TRAPPC8: variants seen among roughly 807,000 people sequenced by gnomAD.
The protein encoded by TRAPPC8 is general sporulation gene 1 homolog.
TRAPPC8 carries 54 observed loss-of-function variants against 174.3 expected under a neutral mutation model. That is an observed-to-expected ratio of 0.31 (90% CI 0.25 to 0.39). TRAPPC8 has a LOEUF of 0.39. TRAPPC8 is among the 10% of genes least tolerant of loss of function. TRAPPC8 has a pLI of 1.00. For synonymous variants in TRAPPC8, 630 were observed against 579.9 expected (o/e 1.09, Z -1.24); for missense variants, 1,531 against 1,699.1 (o/e 0.90, Z 1.74).
intron 19 of TRAPPC8, among the ~76,000 whole-genome samples, chr18:31,862,024 C>T (rs2034354842): frequency 6.6e-6 from 1 of 150,850 alleles, no homozygotes; most frequent in African/African-American, 2.4e-5. Flanking sequence ...TGGTGTCTTA[C>T]ACTGATTTAT....
At chr18:31,933,020 A>AAAAAAAAAAAAAAG (rs1568153937) in intron 1 of TRAPPC8, among the ~76,000 whole-genome samples, 5 of 128,878 alleles carry the variant, frequency 3.9e-5, no homozygotes, top group African/African-American at 1.5e-4. Flanking sequence ...AAAAAAAAAA[A>AAAAAAAAAAAAAAG]GCCGGGCGCA....
In TRAPPC8 at chr18:31,854,920, C is replaced by T. The variant is rs146764860; in HGVS notation, c.3336+740G>A. ...GGTGGAGCTTGCAGTGAGCAGAGATCGCGCCACTGCACTCCAGTCTGGGCG... is the reference window on the plus strand; with the variant it reads ...GGTGGAGCTTGCAGTGAGCAGAGATTGCGCCACTGCACTCCAGTCTGGGCG... On this transcript the variant is annotated intron_variant, in intron 21 of 28. Coordinates refer to ENST00000283351, the MANE Select transcript of TRAPPC8 (RefSeq NM_014939.5). Among the ~76,000 whole-genome samples the T allele has an allele frequency of 8.9e-3, 1,213 of 136,700 alleles. 17 individuals carry two copies. Among genetic ancestry groups the T allele is most frequent in the African/African-American group, 0.031 (1,114 of 35,430 alleles). 89.7% of individuals were successfully genotyped at this position (136,700 alleles called of 152,430 possible).
chr18:31,888,446 TTC>T (rs2035816795), intron 12 of TRAPPC8, among the ~76,000 whole-genome samples: 1 of 152,186 alleles, frequency 6.6e-6, no homozygotes, highest in East Asian at 1.9e-4. Flanking sequence ...GGCAGGAGAA[TTC>T]TGTTTTATGG....
intron 2 of TRAPPC8, among the ~76,000 whole-genome samples, chr18:31,928,778 A>C (rs1396050112): frequency 6.6e-6 from 1 of 152,202 alleles, no homozygotes; most frequent in Non-Finnish European, 1.5e-5. Context: ...CTGCATCTCA[A>C]TACAAAGCAC....
rs28566525 is a variant in TRAPPC8 at position 31,892,827 on chromosome 18, C to T, written c.1597-1961G>A. On this transcript the variant is annotated intron_variant, in intron 11 of 28. Coordinates refer to ENST00000283351, the MANE Select transcript of TRAPPC8 (RefSeq NM_014939.5). Reference sequence around the variant, plus strand: ...TCGTTTTGAGCCAAAGCGTTCAAGACCAGCCTGGGCAACAAAAAGAGACCC... The same window carrying T: ...TCGTTTTGAGCCAAAGCGTTCAAGATCAGCCTGGGCAACAAAAAGAGACCC... 8.9e-4 allele frequency among the ~76,000 whole-genome samples: 135 copies of T among 152,064 alleles called. 2 individuals are homozygous for T. Among genetic ancestry groups the T allele is most frequent in the African/African-American group, 3.0e-3 (123 of 41,508 alleles).
intron 9 of TRAPPC8, among the ~76,000 whole-genome samples, chr18:31,905,171 C>T (rs373549427): frequency 6.6e-6 from 1 of 152,128 alleles, no homozygotes; most frequent in Non-Finnish European, 1.5e-5. Flanking sequence ...TACTACAACA[C>T]ATTTTTATCT....
intron 12 of TRAPPC8, among the ~76,000 whole-genome samples, chr18:31,888,995 C>A (rs2035841163): frequency 6.6e-6 from 1 of 152,090 alleles, no homozygotes; most frequent in African/African-American, 2.4e-5. Context: ...GTGTTCTATG[C>A]ACCCTAACTT....
At chr18:31,895,813 AGTTT>A (rs1001163798) in intron 11 of TRAPPC8, 5 of 152,222 alleles carry the variant, frequency 3.3e-5, no homozygotes, top group South Asian at 2.1e-4. Flanking sequence ...CTCTACAAAT[AGTTT>A]GTCTGTTATC....
At chr18:31,867,261 G>A in intron 17 of TRAPPC8, 141 bp downstream of exon 17, 1 of 714,810 alleles carries the variant, frequency 1.4e-6, no homozygotes, top group African/African-American at 1.9e-5. Flanking sequence ...TTCCTCCTGA[G>A]CAATTCCTAT....
At chr18:31,863,844 G>A (rs1453917476) in intron 19 of TRAPPC8, among the ~76,000 whole-genome samples, 1 of 151,874 alleles carries the variant, frequency 6.6e-6, no homozygotes, top group Non-Finnish European at 1.5e-5. Context: ...ATTTGAAGTG[G>A]CTCAAAGACT....
chr18:31,895,546 C>CA (rs2036148165), intron 11 of TRAPPC8, among the ~76,000 whole-genome samples: 1 of 151,932 alleles, frequency 6.6e-6, no homozygotes. Flanking sequence ...AGAAAAATGA[C>CA]AAAAAATAAC....
chr18:31,924,017 C>T (rs1279080393), intron 2 of TRAPPC8, among the ~76,000 whole-genome samples: 4 of 152,142 alleles, frequency 2.6e-5, no homozygotes, highest in Non-Finnish European at 1.5e-5. Context: ...GGCGTGGTGG[C>T]TCATGCCTAT....
Position 31,928,189 on chromosome 18 carries a change from T to A in TRAPPC8, c.352+3140A>T, listed in dbSNP as rs191762978. Among the ~76,000 whole-genome samples the A allele has an allele frequency of 9.2e-3, 1,379 of 149,998 alleles. 15 individuals are homozygous for A. The highest frequency in any genetic ancestry group is 0.015 in the Non-Finnish European group (999 of 67,488). On this transcript the variant is annotated intron_variant, in intron 2 of 28. Coordinates refer to ENST00000283351, the MANE Select transcript of TRAPPC8 (RefSeq NM_014939.5). ...AAAATAAAATAAAATAAAATAAAAT[T>A]AAAATTAAATAAAATAAAAAATACA...
At chr18:31,852,922 G>T (rs1249302992) in intron 22 of TRAPPC8, 5 of 386,582 alleles carry the variant, frequency 1.3e-5, no homozygotes, top group South Asian at 9.3e-5. Context: ...CAGATAAACA[G>T]TAAGTTTGAA....
Position 31,942,746 on chromosome 18 carries a change from A to G in TRAPPC8, c.19T>C (p.Ser7Pro). 6.4e-7 allele frequency: 1 copy of G among 1,564,114 alleles called. No individual in the cohort carries two copies. Among genetic ancestry groups the G allele is most frequent in the East Asian group, 2.5e-5 (1 of 40,554 alleles). Reference protein sequence around the residue: MAQCVQSVQELIPDSFV... With the variant: MAQCVQPVQELIPDSFV... ...GAGTCCGGGATTAGCTCCTGCACTG[A>G]TTGTACACACTGGGCCATCGCCGCA... Residue 7 changes from serine to proline, a missense_variant, in exon 1 of 29, where the codon TCA becomes CCA. Coordinates refer to ENST00000283351, the MANE Select transcript of TRAPPC8 (RefSeq NM_014939.5).
chr18:31,939,806 G>A (rs1046917385), intron 1 of TRAPPC8: 6 of 152,250 alleles, frequency 3.9e-5, no homozygotes, highest in African/African-American at 1.4e-4. Context: ...AGTGGGTGAG[G>A]GAGCTATGGT....
At chr18:31,892,904 C>A (rs2036016856) in intron 11 of TRAPPC8, among the ~76,000 whole-genome samples, 2 of 151,786 alleles carry the variant, frequency 1.3e-5, no homozygotes, top group Non-Finnish European at 2.9e-5. Context: ...GTGGTCCTAG[C>A]TACTTGGGAG....
intron 27 of TRAPPC8, among the ~76,000 whole-genome samples, chr18:31,837,041 C>T (rs143599929): frequency 4.6e-5 from 7 of 152,106 alleles, no homozygotes; most frequent in East Asian, 2.0e-4. Flanking sequence ...GGATTACAGG[C>T]GTGAGCCACC....
At chr18:31,861,772 C>A (rs2145135661) in intron 19 of TRAPPC8, among the ~76,000 whole-genome samples, 1 of 151,582 alleles carries the variant, frequency 6.6e-6, no homozygotes, top group East Asian at 1.9e-4. Flanking sequence ...CCAGTCCCTA[C>A]AAAAAAACAC....
Sources: gnomAD v4.1 joint callset for allele counts (sites outside exome capture counted in the v4.1 genomes callset) on GRCh38, gnomAD v4.1.1 for gene constraint, MANE v1.5 for transcripts, NCBI Gene and HGNC (gene_info 2026-07-23, HGNC 2026-07-21) for gene names.